Variants in PABPC1 observed in about 807,000 individuals in gnomAD.
PABPC1 encodes the protein poly(A) binding protein cytoplasmic 1, also known as polyadenylate-binding protein 1.
In PABPC1, 4 loss-of-function variants were observed where a neutral mutation model predicts 74.0. The ratio of observed to expected loss-of-function variants is 0.05; its 90% CI spans 0.03 to 0.12. The LOEUF (loss-of-function observed/expected upper bound fraction) is 0.12. PABPC1 is among the 10% of genes least tolerant of loss of function. The pLI is 1.00. For missense variants in PABPC1, 271 were observed against 821.1 expected (o/e 0.33, Z 8.19); for synonymous variants, 227 against 264.1 (o/e 0.86, Z 1.36).
At position 100,703,233 on chromosome 8, in the gene PABPC1, G is replaced by C. The variant is rs892325485; in HGVS notation, c.*128C>G. ...ATTTGCTCGGTACATAAGGTTCAAA[G>C]TTTCCTTTCCTTTTTTTATTTATTT... On this transcript the variant is annotated 3_prime_UTR_variant, in exon 15 of 15. Transcript: ENST00000318607. 6.0e-6 allele frequency: 1 copy of C among 167,436 alleles called. No individual in the cohort carries two copies. Among genetic ancestry groups the C allele is most frequent in the Admixed American group, 6.5e-5 (1 of 15,284 alleles). 10.4% of individuals were successfully genotyped at this position (167,436 alleles called of 1,614,324 possible).
rs995968406 is a variant in PABPC1 at position 100,721,286 on chromosome 8, C to A, written c.193+105G>T. ...CGCCGGCCGTCGCGGGGTGACATGC[C>A]CTCCCGCCCCCCTCCCCGGGCCCGC... On this transcript the variant is annotated intron_variant, in intron 1 of 14. Coordinates refer to ENST00000318607, the MANE Select transcript of PABPC1 (RefSeq NM_002568.4). The surrounding 1 kb of genome is among the most constrained non-coding windows in gnomAD (Gnocchi z 7.4). 109 of 430,510 alleles carry A rather than the reference C, an allele frequency of 2.5e-4. No homozygotes were observed. The highest frequency in any genetic ancestry group is 3.3e-4 in the Non-Finnish European group (103 of 309,322). The allele number at this position is 430,510 out of a possible 1,614,324, so 26.7% of individuals were successfully genotyped here. A position where few individuals can be genotyped will look rare whatever the true frequency, so the allele number is the denominator to read the frequency against.
intron 3 of PABPC1, 59 bp downstream of exon 3, chr8:100,717,714 G>A (rs1037329401): frequency 3.9e-5 from 40 of 1,019,010 alleles, no homozygotes; most frequent in Non-Finnish European, 5.8e-5. Context: ...AAAATGAATG[G>A]ATTTGGAATT....
chr8:100,708,452 T>A (rs1320400091), intron 9 of PABPC1, among the ~76,000 whole-genome samples: 1 of 151,984 alleles, frequency 6.6e-6, no homozygotes, highest in Non-Finnish European at 1.5e-5. Context: ...TGAGACTCTG[T>A]CTAAAAAAAT....
rs1810836023 is a variant in PABPC1 at position 100,721,651 on chromosome 8, G to A, written c.-68C>T. The stretch of plus-strand genomic sequence containing the variant: ...GTGAGAGGAGGAGAGCGAGTGCCGG[G>A]GCTGGGGGCCGGAGCCGGGGGGAGG... On this transcript the variant is annotated 5_prime_UTR_variant, in exon 1 of 15. Transcript: ENST00000318607. This position sits in a 1 kb window ranked among gnomAD's most constrained non-coding sequence, Gnocchi z 7.4. 6.7e-6 allele frequency: 9 copies of A among 1,334,668 alleles called. No homozygotes were observed. In the East Asian group the frequency reaches 2.0e-4, roughly 30 times the overall value. The allele number at this position is 1,334,668 out of a possible 1,614,324, so 82.7% of individuals were successfully genotyped here.
chr8:100,705,438 T>C (rs1303506355), intron 12 of PABPC1, 151 bp downstream of exon 12: 1 of 707,534 alleles, frequency 1.4e-6, no homozygotes, highest in East Asian at 2.7e-5. Flanking sequence ...CCAGTGGTTT[T>C]AATTAGGCAG....
chr8:100,715,010 T>C (rs1456289927), intron 4 of PABPC1, among the ~76,000 whole-genome samples: 1 of 152,114 alleles, frequency 6.6e-6, no homozygotes, highest in Non-Finnish European at 1.5e-5. Context: ...TGTTTTAAAC[T>C]GCTCAAACAT....
chr8:100,715,797 C>T (rs575272488), intron 3 of PABPC1, among the ~76,000 whole-genome samples, 196 bp from the exon 4 acceptor site: 1 of 151,118 alleles, frequency 6.6e-6, no homozygotes, highest in African/African-American at 2.4e-5. Flanking sequence ...TAACTACAAT[C>T]ACAAAAAAAA....
chr8:100,712,213 T>C (rs976012737), intron 7 of PABPC1, 149 bp downstream of exon 7: 19 of 552,788 alleles, frequency 3.4e-5, no homozygotes, highest in Non-Finnish European at 5.5e-5. Context: ...CATTAGGCTA[T>C]GACAACCAGT....
In PABPC1 at chr8:100,709,760, C is replaced by T. The variant is rs760053773; in HGVS notation, c.973-29G>A. The T allele has an allele frequency of 8.3e-6, 13 of 1,566,414 alleles. 1 individual carries two copies. Among genetic ancestry groups the T allele is most frequent in the Middle Eastern group, 3.4e-4 (2 of 5,834 alleles). ...TTAAAAAAAAGAAAAAAAAAGTTAACGTAATGGTAGAATGAGGAGCAAAAA... is the reference window on the plus strand; with the variant it reads ...TTAAAAAAAAGAAAAAAAAAGTTAATGTAATGGTAGAATGAGGAGCAAAAA... On this transcript the variant is annotated intron_variant, in intron 7 of 14. Transcript: ENST00000318607.
chr8:100,710,947 A>AC (rs1456704563), intron 7 of PABPC1, among the ~76,000 whole-genome samples: 1 of 151,912 alleles, frequency 6.6e-6, no homozygotes, highest in Non-Finnish European at 1.5e-5. Flanking sequence ...AGATCACACC[A>AC]CTTCACTCCA....
chr8:100,705,293 C>T (rs1810351546), intron 12 of PABPC1, among the ~76,000 whole-genome samples: 1 of 152,208 alleles, frequency 6.6e-6, no homozygotes, highest in Non-Finnish European at 1.5e-5. Flanking sequence ...GTTGTTAAAT[C>T]GGTGTTCAGG....
rs190270293 is a variant in PABPC1, at chr8:100,707,960, T to C, written c.1337-963A>G. On this transcript the variant is annotated intron_variant, in intron 9 of 14. Coordinates refer to ENST00000318607, the MANE Select transcript of PABPC1 (RefSeq NM_002568.4). ...GCTCGCACTCTTGTCTTCTGGTCACTTCTCACTATGTCCCCTCAGCTCCTA... is the reference window on the plus strand; with the variant it reads ...GCTCGCACTCTTGTCTTCTGGTCACCTCTCACTATGTCCCCTCAGCTCCTA... Among the ~76,000 whole-genome samples the C allele has an allele frequency of 5.2e-3, 795 of 152,326 alleles. 5 individuals carry two copies. Among genetic ancestry groups the C allele is most frequent in the African/African-American group, 0.017 (727 of 41,564 alleles).
chr8:100,714,552 G>A (rs1313042686), intron 4 of PABPC1, among the ~76,000 whole-genome samples: 1 of 152,050 alleles, frequency 6.6e-6, no homozygotes, highest in Non-Finnish European at 1.5e-5. Flanking sequence ...CCATCACGGT[G>A]AAACCCCGTC....
In PABPC1 at chr8:100,702,989, C is replaced by A. The variant is rs1416172307; in HGVS notation, c.*372G>T. 6.5e-6 allele frequency: 1 copy of A among 154,814 alleles called. No individual in the cohort carries two copies. The highest frequency in any genetic ancestry group is 2.4e-5 in the African/African-American group (1 of 41,482). The allele number at this position is 154,814 out of a possible 1,614,324, so 9.6% of individuals were successfully genotyped here. A position where few individuals can be genotyped will look rare whatever the true frequency, so the allele number is the denominator to read the frequency against. On this transcript the variant is annotated 3_prime_UTR_variant, in exon 15 of 15. Transcript: ENST00000318607. ...ACGTTTCCTTGCTCAGTTATCAATTCTGTTACTTAAAACAGAACTGACATT... is the reference window on the plus strand; with the variant it reads ...ACGTTTCCTTGCTCAGTTATCAATTATGTTACTTAAAACAGAACTGACATT...
At position 100,704,269 on chromosome 8, in the gene PABPC1, AAAC is replaced by A. The variant is rs747197901; in HGVS notation, c.*1+25_*1+27del. ...ATAAAAGATGAAGAAAACAAGCTTA[AAAC>A]AACAAACCAGAGGGAAAAGCTCACT... On this transcript the variant is annotated intron_variant, in intron 14 of 14. Coordinates refer to ENST00000318607, the MANE Select transcript of PABPC1 (RefSeq NM_002568.4). 10 of 1,555,694 alleles carry A rather than the reference AAAC, an allele frequency of 6.4e-6. No homozygotes were observed. In the African/African-American group the frequency reaches 1.2e-4, roughly 19 times the overall value.
chr8:100,709,847 C>T, intron 7 of PABPC1, 116 bp from the exon 8 acceptor site: 1 of 1,154,050 alleles, frequency 8.7e-7, no homozygotes, highest in Non-Finnish European at 1.2e-6. Context: ...CCTGTTAATG[C>T]TTAATCATCT....
At chr8:100,716,902 GT>G (rs1174889191) in intron 3 of PABPC1, among the ~76,000 whole-genome samples, 1 of 152,206 alleles carries the variant, frequency 6.6e-6, no homozygotes, top group African/African-American at 2.4e-5. Flanking sequence ...TTCCAAAAGA[GT>G]TATATCACTT....
In PABPC1 at chr8:100,708,742, G is replaced by A. The variant is rs183628124; in HGVS notation, c.1336+391C>T. Among the ~76,000 whole-genome samples the A allele has an allele frequency of 1.3e-3, 192 of 152,226 alleles. 1 individual carries two copies. The highest frequency in any genetic ancestry group is 1.9e-3 in the Non-Finnish European group (128 of 68,018). On this transcript the variant is annotated intron_variant, in intron 9 of 14. Coordinates refer to ENST00000318607, the MANE Select transcript of PABPC1 (RefSeq NM_002568.4). ...AATGCGTAAGTTAGCTGGGCGTGGT[G>A]GCGGGCACCTGTAATCCCAGCTACT...
chr8:100,719,708 T>C (rs1361436217), intron 1 of PABPC1, among the ~76,000 whole-genome samples: 2 of 152,184 alleles, frequency 1.3e-5, no homozygotes, highest in Non-Finnish European at 2.9e-5. Context: ...AATGTAAAAA[T>C]TGTTTTTTGG....
Sources: allele counts gnomAD v4.1 joint callset (sites outside exome capture counted in the v4.1 genomes callset), GRCh38; gene constraint gnomAD v4.1.1; non-coding constraint Gnocchi (gnomAD v3.1); transcripts MANE v1.5; gene names NCBI Gene and HGNC (gene_info 2026-07-23, HGNC 2026-07-21).